The following H2BC3 variants were observed in gnomAD, a reference collection of about 807,000 sequenced individuals.
H2BC3 encodes the protein H2B clustered histone 3.
H2BC3 carries 8 observed loss-of-function variants against 6.0 expected under a neutral mutation model. That is an observed-to-expected ratio of 1.33 (90% CI 0.78 to 2.40). The LOEUF (loss-of-function observed/expected upper bound fraction) is 2.40, where lower values mean the gene tolerates loss of function less well. Among genes scored for constraint, H2BC3 ranks in the 30% most tolerant of loss-of-function variants. The pLI, the probability that H2BC3 is intolerant of heterozygous loss-of-function variation, is 0.00. For missense variants in H2BC3, 222 were observed against 163.2 expected (o/e 1.36, Z -1.96); for synonymous variants, 122 against 66.2 (o/e 1.84, Z -4.09).
chr6:26,043,327 C>A lies in H2BC3; in HGVS notation c.331G>T (p.Ala111Ser). The change falls in exon 1 of 1, where the codon GCT (alanine) becomes TCT (serine). Residue 111 changes from alanine (A) to serine (S), a missense_variant. Transcript: ENST00000615966. ...ACTGCCTTAGTGCCCTCGGACACAG[C>A]ATGCTTAGCCAGCTCCCCAGGCAGC... ...LLLPGELAKH[A>S]VSEGTKAVTK... The A allele has an allele frequency of 1.2e-6, 2 of 1,613,742 alleles. No individual in the cohort carries two copies. The highest frequency in any genetic ancestry group is 1.7e-6 in the Non-Finnish European group (2 of 1,179,866).
chr6:26,043,398 C>T lies in H2BC3; in HGVS notation c.260G>A (p.Arg87His). 1 of 1,614,138 alleles carries T rather than the reference C, an allele frequency of 6.2e-7. No homozygotes were observed. Among genetic ancestry groups the T allele is most frequent in the Non-Finnish European group, 8.5e-7 (1 of 1,180,022 alleles). ...EASRLAHYNK[R>H]STITSREIQT... is the part of the protein sequence containing the mutation. ...AATCTCCCTGGAGGTGATGGTCGAG[C>T]GCTTATTGTAGTGAGCCAGGCGAGA... Residue 87 changes from arginine (R) to histidine (H), a missense_variant, in exon 1 of 1, where the codon CGC (arginine) becomes CAC (histidine). Coordinates refer to ENST00000615966, the MANE Select transcript of H2BC3 (RefSeq NM_021062.3).
In H2BC3 at chr6:26,043,419, C is replaced by T. The variant is rs776112468; in HGVS notation, c.239G>A (p.Arg80His). The T allele has an allele frequency of 1.2e-6, 2 of 1,614,008 alleles. No homozygotes were observed. Among genetic ancestry groups the T allele is most frequent in the African/African-American group, 1.3e-5 (1 of 74,912 alleles). The change falls in exon 1 of 1, where the codon CGC becomes CAC. Residue 80 changes from arginine to histidine, a missense_variant. Physicochemically the swap from Arg to His is conservative, Grantham distance 29. Coordinates refer to ENST00000615966, the MANE Select transcript of H2BC3 (RefSeq NM_021062.3). ...IFERIAGEAS[R>H]LAHYNKRSTI... ...CGAGCGCTTATTGTAGTGAGCCAGG[C>T]GAGAAGCCTCGCCCGCGATGCGCTC... is the stretch of plus-strand genomic sequence containing the variant.
Position 26,043,398 on chromosome 6 carries a change from C to G in H2BC3, c.260G>C (p.Arg87Pro), listed in dbSNP as rs1303911859. ...EASRLAHYNKRSTITSREIQT... is the reference protein window; with the variant it reads ...EASRLAHYNKPSTITSREIQT... ...AATCTCCCTGGAGGTGATGGTCGAG[C>G]GCTTATTGTAGTGAGCCAGGCGAGA... Residue 87 changes from arginine to proline, a missense_variant, in exon 1 of 1, where the codon CGC becomes CCC. Arg to Pro is a moderately radical substitution (Grantham distance 103). Coordinates refer to ENST00000615966, the MANE Select transcript of H2BC3 (RefSeq NM_021062.3). The G allele has an allele frequency of 1.9e-6, 3 of 1,614,138 alleles. No homozygotes were observed. The highest frequency in any genetic ancestry group is 1.1e-5 in the South Asian group (1 of 91,084).
At position 26,043,560 on chromosome 6, in the gene H2BC3, C is replaced by T; in HGVS notation, c.98G>A (p.Ser33Asn). The change falls in exon 1 of 1, where the codon AGC (serine) becomes AAC (asparagine). Residue 33 changes from serine (S) to asparagine (N), a missense_variant. Ser to Asn is a conservative substitution (Grantham distance 46). Transcript: ENST00000615966. ...QKKDGKKRKRSRKESYSIYVY... is the reference protein window; with the variant it reads ...QKKDGKKRKRNRKESYSIYVY... The stretch of plus-strand genomic sequence containing the variant: ...ATAGATAGAATAGCTCTCCTTGCGG[C>T]TGCGCTTACGCTTCTTACCATCCTT... The T allele has an allele frequency of 3.1e-6, 5 of 1,614,246 alleles. No individual in the cohort carries two copies. The highest frequency in any genetic ancestry group is 4.2e-6 in the Non-Finnish European group (5 of 1,180,038).
Position 26,043,632 on chromosome 6 carries a change from G to A in H2BC3, c.26C>T (p.Pro9Leu), listed in dbSNP as rs771547734. ...CTTCTTAGAACCCTTTTTAGGGGCT[G>A]GAGCAGACTTAGAGGGTTCAGGCAT... The part of the protein sequence containing the change: MPEPSKSA[P>L]APKKGSKKAI... Residue 9 changes from proline to leucine, a missense_variant, in exon 1 of 1, where the codon CCA (proline) becomes CTA (leucine). Transcript: ENST00000615966. 5.6e-6 allele frequency: 9 copies of A among 1,609,520 alleles called. No individual in the cohort carries two copies. Among genetic ancestry groups the A allele is most frequent in the East Asian group, 4.5e-5 (2 of 44,884 alleles).
rs1278787925 is a variant in H2BC3 at position 26,043,691 on chromosome 6, C to T, written c.-34G>A. 7 of 1,548,226 alleles carry T rather than the reference C, an allele frequency of 4.5e-6. No homozygotes were observed. The highest frequency in any genetic ancestry group is 2.1e-5 in the Admixed American group (1 of 48,540). On this transcript the variant is annotated 5_prime_UTR_variant, in exon 1 of 1. Transcript: ENST00000615966. ...CTAAACAGAATAGAAAAGCTACTAA[C>T]ACTCTCCACTACAGAGTAGTACAGA...
At position 26,043,455 on chromosome 6, in the gene H2BC3, T is replaced by C. The variant is rs767395554; in HGVS notation, c.203A>G (p.Asn68Ser). The C allele has an allele frequency of 4.3e-6, 7 of 1,614,030 alleles. No individual in the cohort carries two copies. In the East Asian group the frequency reaches 6.7e-5, roughly 15 times the overall value. The change falls in exon 1 of 1, where the codon AAC (asparagine) becomes AGC (serine). Residue 68 changes from asparagine (N) to serine (S), a missense_variant. Coordinates refer to ENST00000615966, the MANE Select transcript of H2BC3 (RefSeq NM_021062.3). ...KAMGIMNSFVNDIFERIAGEA... is the reference protein window; with the variant it reads ...KAMGIMNSFVSDIFERIAGEA... ...GCCCGCGATGCGCTCGAAGATGTCG[T>C]TGACGAAGGAATTCATGATCCCCAT...
Position 26,043,570 on chromosome 6 carries a change from GCTT to G in H2BC3, c.85_87del (p.Lys29del). ...TAGCTCTCCTTGCGGCTGCGCTTAC[GCTT>G]CTTACCATCCTTCTTCTGCGCCTTA... On this transcript the variant is annotated inframe_deletion, in exon 1 of 1. Coordinates refer to ENST00000615966, the MANE Select transcript of H2BC3 (RefSeq NM_021062.3). The G allele has an allele frequency of 2.5e-6, 4 of 1,614,204 alleles. No homozygotes were observed. Among genetic ancestry groups the G allele is most frequent in the Non-Finnish European group, 3.4e-6 (4 of 1,180,032 alleles).
rs1164469469 is a variant in H2BC3, at chr6:26,043,448, G to A, written c.210C>T (p.Ile70=). 6.2e-7 allele frequency: 1 copy of A among 1,614,208 alleles called. No individual in the cohort carries two copies. The highest frequency in any genetic ancestry group is 1.1e-5 in the South Asian group (1 of 91,088). Residue 70 remains isoleucine, a synonymous_variant, in exon 1 of 1, where the codon ATC becomes ATT. Coordinates refer to ENST00000615966, the MANE Select transcript of H2BC3 (RefSeq NM_021062.3). ...MGIMNSFVND[I]FERIAGEASR... is the part of the protein sequence containing the mutation. ...AAGCCTCGCCCGCGATGCGCTCGAA[G>A]ATGTCGTTGACGAAGGAATTCATGA...
chr6:26,043,569 C>G lies in H2BC3; in HGVS notation c.89G>C (p.Arg30Pro). ...TKAQKKDGKKRKRSRKESYSI... is the reference protein window; with the variant it reads ...TKAQKKDGKKPKRSRKESYSI... ...ATAGCTCTCCTTGCGGCTGCGCTTA[C>G]GCTTCTTACCATCCTTCTTCTGCGC... The change falls in exon 1 of 1, where the codon CGT becomes CCT. Residue 30 changes from arginine (R) to proline (P), a missense_variant. Physicochemically the swap from Arg to Pro is moderately radical, Grantham distance 103. Coordinates refer to ENST00000615966, the MANE Select transcript of H2BC3 (RefSeq NM_021062.3). 2 of 1,614,218 alleles carry G rather than the reference C, an allele frequency of 1.2e-6. No homozygotes were observed. The highest frequency in any genetic ancestry group is 1.7e-6 in the Non-Finnish European group (2 of 1,180,028).
rs1315347854 is a variant in H2BC3 at position 26,043,467 on chromosome 6, T to C, written c.191A>G (p.Asn64Ser). Residue 64 changes from asparagine (N) to serine (S), a missense_variant, in exon 1 of 1, where the codon AAT becomes AGT. Coordinates refer to ENST00000615966, the MANE Select transcript of H2BC3 (RefSeq NM_021062.3). ...GISSKAMGIM[N>S]SFVNDIFERI... ...CTCGAAGATGTCGTTGACGAAGGAA[T>C]TCATGATCCCCATGGCCTTGGATGA... 1.2e-6 allele frequency: 2 copies of C among 1,614,154 alleles called. No individual in the cohort carries two copies. Among genetic ancestry groups the C allele is most frequent in the Non-Finnish European group, 8.5e-7 (1 of 1,180,032 alleles).
Position 26,043,454 on chromosome 6 carries a change from G to C in H2BC3, c.204C>G (p.Asn68Lys). 1 of 1,614,170 alleles carries C rather than the reference G, an allele frequency of 6.2e-7. No individual in the cohort carries two copies. Residue 68 changes from asparagine to lysine, a missense_variant, in exon 1 of 1, where the codon AAC (asparagine) becomes AAG (lysine). Coordinates refer to ENST00000615966, the MANE Select transcript of H2BC3 (RefSeq NM_021062.3). ...KAMGIMNSFV[N>K]DIFERIAGEA... ...CGCCCGCGATGCGCTCGAAGATGTC[G>C]TTGACGAAGGAATTCATGATCCCCA...
rs1354166913 is a variant in H2BC3 at position 26,043,481 on chromosome 6, G to T, written c.177C>A (p.Ala59=). Residue 59 remains alanine, a synonymous_variant, in exon 1 of 1, where the codon GCC becomes GCA. Transcript: ENST00000615966. ...TGACGAAGGAATTCATGATCCCCAT[G>T]GCCTTGGATGAGATGCCGGTGTCGG... ...VHPDTGISSK[A]MGIMNSFVND... is the part of the protein sequence containing the mutation. The T allele has an allele frequency of 1.2e-6, 2 of 1,614,050 alleles. No homozygotes were observed. The highest frequency in any genetic ancestry group is 1.7e-6 in the Non-Finnish European group (2 of 1,180,052).
rs374021869 is a variant in H2BC3 at position 26,043,694 on chromosome 6, T to A, written c.-37A>T. 4.5e-6 allele frequency: 7 copies of A among 1,543,432 alleles called. No individual in the cohort carries two copies. In the African/African-American group the frequency reaches 8.3e-5, roughly 18 times the overall value. On this transcript the variant is annotated 5_prime_UTR_variant, in exon 1 of 1. Coordinates refer to ENST00000615966, the MANE Select transcript of H2BC3 (RefSeq NM_021062.3). ...AACAGAATAGAAAAGCTACTAACAC[T>A]CTCCACTACAGAGTAGTACAGAGAA... is the stretch of plus-strand genomic sequence containing the variant.
In H2BC3 at chr6:26,043,559, G is replaced by A. The variant is rs1403826495; in HGVS notation, c.99C>T (p.Ser33=). 2 of 1,614,116 alleles carry A rather than the reference G, an allele frequency of 1.2e-6. No homozygotes were observed. The highest frequency in any genetic ancestry group is 2.2e-5 in the East Asian group (1 of 44,892). ...QKKDGKKRKR[S]RKESYSIYVY... Reference sequence around the variant, plus strand: ...CATAGATAGAATAGCTCTCCTTGCGGCTGCGCTTACGCTTCTTACCATCCT... The same window carrying A: ...CATAGATAGAATAGCTCTCCTTGCGACTGCGCTTACGCTTCTTACCATCCT... Residue 33 remains serine, a synonymous_variant, in exon 1 of 1, where the codon AGC becomes AGT. Transcript: ENST00000615966.
Position 26,043,351 on chromosome 6 carries a change from G to A in H2BC3, c.307C>T (p.Leu103=), listed in dbSNP as rs1761662743. 1.2e-6 allele frequency: 2 copies of A among 1,614,028 alleles called. No individual in the cohort carries two copies. The highest frequency in any genetic ancestry group is 1.3e-5 in the African/African-American group (1 of 74,928). ...GCATGCTTAGCCAGCTCCCCAGGCA[G>A]CAGCAGGCGCACAGCCGTCTGAATC... ...REIQTAVRLL[L]PGELAKHAVS... The change falls in exon 1 of 1, where the codon CTG becomes TTG. Residue 103 remains leucine (L), a synonymous_variant. Transcript: ENST00000615966.
In H2BC3 at chr6:26,043,253, G is replaced by A. The variant is rs1287459854; in HGVS notation, c.*24C>T. 1 of 1,552,976 alleles carries A rather than the reference G, an allele frequency of 6.4e-7. No homozygotes were observed. Among genetic ancestry groups the A allele is most frequent in the East Asian group, 2.3e-5 (1 of 44,282 alleles). On this transcript the variant is annotated 3_prime_UTR_variant, in exon 1 of 1. Transcript: ENST00000615966. ...AGGTGGCTCTGAAAAGAGCCTTTGG[G>A]TTTGGAAGTGCTTACATAAGCACTT...
chr6:26,043,490 TGA>T lies in H2BC3; in HGVS notation c.166_167del (p.Ser56IlefsTer30). 1 of 1,598,826 alleles carries T rather than the reference TGA, an allele frequency of 6.3e-7. No individual in the cohort carries two copies. The highest frequency in any genetic ancestry group is 8.6e-7 in the Non-Finnish European group (1 of 1,166,622). ...LKQVHPDTGI[S>X]SKAMGIMNSF... ...AATTCATGATCCCCATGGCCTTGGA[TGA>T]GATGCCGGTGTCGGGGTGGACCTGC... On this transcript the variant is annotated frameshift_variant, in exon 1 of 1. Transcript: ENST00000615966. LOFTEE classifies it high-confidence loss of function.
Position 26,043,526 on chromosome 6 carries a change from C to T in H2BC3, c.132G>A (p.Lys44=), listed in dbSNP as rs1326246704. ...RKESYSIYVY[K]VLKQVHPDTG... ...TGTCGGGGTGGACCTGCTTCAGAAC[C>T]TTGTACACATAGATAGAATAGCTCT... Residue 44 remains lysine (K), a synonymous_variant, in exon 1 of 1, where the codon AAG becomes AAA. Transcript: ENST00000615966. 3 of 1,614,224 alleles carry T rather than the reference C, an allele frequency of 1.9e-6. No individual in the cohort carries two copies. The highest frequency in any genetic ancestry group is 1.3e-5 in the African/African-American group (1 of 75,066).
Sources: gnomAD v4.1 joint callset for allele counts on GRCh38, gnomAD v4.1.1 for gene constraint, MANE v1.5 for transcripts, NCBI Gene and HGNC (gene_info 2026-07-23, HGNC 2026-07-21) for gene names.